The following CRHR2 variants were observed in gnomAD, a reference collection of about 807,000 sequenced individuals.
CRHR2 encodes the protein corticotropin-releasing hormone receptor 2.
A neutral mutation model predicts 57.9 loss-of-function variants in CRHR2; 53 were observed. The ratio of observed to expected loss-of-function variants is 0.92; its 90% CI spans 0.73 to 1.15. The LOEUF (loss-of-function observed/expected upper bound fraction) is 1.15, where lower values mean the gene tolerates loss of function less well. Ranked by LOEUF, CRHR2 falls within the 50% of genes most tolerant of loss-of-function variation. The probability of loss-of-function intolerance (pLI) is 0.00; values close to 1 mark genes in which losing one functional copy is unlikely to be tolerated. For synonymous variants in CRHR2, 213 were observed against 220.9 expected, an observed-to-expected ratio of 0.96 and a Z score of 0.32; for missense variants, 532 against 542.6, an observed-to-expected ratio of 0.98 and a Z score of 0.19.
intron 2 of CRHR2, among the ~76,000 whole-genome samples, chr7:30,668,818 T>A (rs757906875): frequency 3.9e-5 from 6 of 152,172 alleles, no homozygotes; most frequent in Non-Finnish European, 8.8e-5. Context: ...GCCATCCCCC[T>A]GCCAAGTGAG....
intron 11 of CRHR2, among the ~76,000 whole-genome samples, chr7:30,654,401 G>A (rs977419682): frequency 3.3e-5 from 5 of 152,108 alleles, no homozygotes; most frequent in African/African-American, 4.8e-5. Flanking sequence ...TAGACACCTC[G>A]CCAGTGCCCT....
At chr7:30,692,742 A>G (rs1784985452) in intron 1 of CRHR2, among the ~76,000 whole-genome samples, 1 of 152,332 alleles carries the variant, frequency 6.6e-6, no homozygotes, top group East Asian at 1.9e-4. Context: ...AATGCCCTAC[A>G]GAAGACAGCG....
rs1204131740 is a variant in CRHR2 at position 30,655,078 on chromosome 7, A to G, written c.1056T>C (p.Gly352=). 3.7e-6 allele frequency: 6 copies of G among 1,613,144 alleles called. No homozygotes were observed. In the Admixed American group the frequency reaches 1.0e-4, roughly 27 times the overall value. The change falls in exon 11 of 12, where the codon GGT becomes GGC. Residue 352 remains glycine (G), a splice_region_variant and synonymous_variant. Coordinates refer to ENST00000471646, the MANE Select transcript of CRHR2 (RefSeq NM_001883.5). ...YFNSFLQSFQ[G]FFVSVFYCFF... is the part of the protein sequence containing the mutation. The stretch of plus-strand genomic sequence containing the variant: ...AGCAGTAGAAGACAGACACGAAGAA[A>G]CCCTGGAAAGGAGGGAAAGGAGGGA...
At chr7:30,661,122 G>A (rs1267349153) in intron 7 of CRHR2, among the ~76,000 whole-genome samples, 1 of 152,238 alleles carries the variant, frequency 6.6e-6, no homozygotes, top group Non-Finnish European at 1.5e-5. Flanking sequence ...CTGGGATTTT[G>A]CGTCTTTGAG....
Position 30,653,254 on chromosome 7 carries a change from T to C in CRHR2, c.*206A>G. The stretch of plus-strand genomic sequence containing the variant: ...AGGGGGTCCTGTGAATTCCCTCTGC[T>C]TCCTCTTGCGCTGAGCCTGGTGGCC... On this transcript the variant is annotated 3_prime_UTR_variant, in exon 12 of 12. Transcript: ENST00000471646. This position sits in a 1 kb window ranked among gnomAD's most constrained non-coding sequence, Gnocchi z 5.0. 1.6e-6 allele frequency: 1 copy of C among 636,056 alleles called. No homozygotes were observed. Among genetic ancestry groups the C allele is most frequent in the East Asian group, 2.9e-5 (1 of 34,412 alleles). The allele number at this position is 636,056 out of a possible 1,614,324, so 39.4% of individuals were successfully genotyped here.
Position 30,665,211 on chromosome 7 carries a change from T to C in CRHR2, c.426-24A>G. ...TCCTGTGGGAGGTGCAGGTCAGGGG[T>C]CAGCCAGGTTCAGGGGTCAACTGGG... On this transcript the variant is annotated intron_variant, in intron 4 of 11. Coordinates refer to ENST00000471646, the MANE Select transcript of CRHR2 (RefSeq NM_001883.5). This position sits in a 1 kb window ranked among gnomAD's most constrained non-coding sequence, Gnocchi z 4.5. 1 of 1,596,542 alleles carries C rather than the reference T, an allele frequency of 6.3e-7. No homozygotes were observed. The highest frequency in any genetic ancestry group is 1.1e-5 in the South Asian group (1 of 90,634).
chr7:30,696,398 T>C (rs897130769), intron 1 of CRHR2, among the ~76,000 whole-genome samples: 1 of 152,172 alleles, frequency 6.6e-6, no homozygotes, highest in African/African-American at 2.4e-5. Flanking sequence ...CACAAATATA[T>C]ATACCTACTA....
rs752616590 is a variant in CRHR2 at position 30,665,612 on chromosome 7, T to C, written c.343A>G (p.Ile115Val). 10 of 1,560,278 alleles carry C rather than the reference T, an allele frequency of 6.4e-6. No individual in the cohort carries two copies. The East Asian group carries it at 1.9e-4, about 30-fold the overall frequency. ...KQRKYDLHYR[I>V]ALVVNYLGHC... ...CCCAGGTAGTTGACGACAAGGGCGATGCGGTAGTGCAGGTCATACTTCCTC... is the reference window on the plus strand; with the variant it reads ...CCCAGGTAGTTGACGACAAGGGCGACGCGGTAGTGCAGGTCATACTTCCTC... The change falls in exon 4 of 12, where the codon ATC becomes GTC. Residue 115 changes from isoleucine (I) to valine (V), a missense_variant. Ile to Val is a conservative substitution (Grantham distance 29, BLOSUM62 3). Transcript: ENST00000471646. The surrounding 1 kb of genome is among the most constrained non-coding windows in gnomAD (Gnocchi z 4.5).
intron 1 of CRHR2, among the ~76,000 whole-genome samples, chr7:30,696,735 A>G (rs1217373407): frequency 2.0e-5 from 3 of 152,266 alleles, no homozygotes; most frequent in Non-Finnish European, 2.9e-5. Context: ...AAAAAATAAA[A>G]TAAAATAATT....
Position 30,682,214 on chromosome 7 carries a change from G to T in CRHR2, c.67C>A (p.Leu23Ile). The change falls in exon 1 of 12, where the codon CTC (leucine) becomes ATC (isoleucine). Residue 23 changes from leucine (L) to isoleucine (I), a missense_variant. By Grantham distance (5) the Leu-to-Ile change is conservative. Coordinates refer to ENST00000471646, the MANE Select transcript of CRHR2 (RefSeq NM_001883.5). ...NCSLALAEEL[L>I]LDGWGPPLDP... ...AGGGGTGGCCCCCAGCCGTCCAAGA[G>T]CAGCTCTTCAGCCAGCGCCAGGCTG... The T allele has an allele frequency of 6.3e-7, 1 of 1,590,292 alleles. No individual in the cohort carries two copies. Among genetic ancestry groups the T allele is most frequent in the East Asian group, 2.3e-5 (1 of 43,840 alleles).
chr7:30,698,143 A>C (rs1436802684), intron 1 of CRHR2: 1 of 152,272 alleles, frequency 6.6e-6, no homozygotes, highest in East Asian at 1.9e-4. Context: ...ATTGCCATGA[A>C]GGCCCCGTGA....
intron 1 of CRHR2, among the ~76,000 whole-genome samples, chr7:30,696,191 A>C (rs1244189264): frequency 6.6e-6 from 1 of 152,196 alleles, no homozygotes; most frequent in Non-Finnish European, 1.5e-5. Flanking sequence ...AAAAAAATAG[A>C]ATGAATACGA....
At chr7:30,688,941 A>G (rs58682124) in intron 2 of CRHR2, 181,698 of 604,406 alleles carry the variant, frequency 0.3, 34,620 homozygotes, top group African/African-American at 0.77. Context: ...GCTGACTTCC[A>G]TCGTGGGAGC....
upstream of CRHR2, among the ~76,000 whole-genome samples, chr7:30,684,172 T>G (rs887425767): frequency 6.6e-6 from 1 of 152,162 alleles, no homozygotes; most frequent in Non-Finnish European, 1.5e-5. Context: ...TATTATCCAG[T>G]GCCAGGAGCA....
intron 1 of CRHR2, among the ~76,000 whole-genome samples, chr7:30,696,038 T>G (rs1785049806): frequency 6.6e-6 from 1 of 152,206 alleles, no homozygotes; most frequent in Admixed American, 6.5e-5. Flanking sequence ...GACTAAAAAT[T>G]AGAATGTTGA....
chr7:30,665,010 T>C lies in CRHR2; in HGVS notation c.543+60A>G, dbSNP rs1028605197. 2.9e-6 allele frequency: 4 copies of C among 1,375,270 alleles called. No homozygotes were observed. In the East Asian group the frequency reaches 6.9e-5, roughly 24 times the overall value. 85.2% of individuals were successfully genotyped at this position (1,375,270 alleles called of 1,614,324 possible). On this transcript the variant is annotated intron_variant, in intron 5 of 11. Coordinates refer to ENST00000471646, the MANE Select transcript of CRHR2 (RefSeq NM_001883.5). The surrounding 1 kb of genome is among the most constrained non-coding windows in gnomAD (Gnocchi z 4.5). ...TCCAAGCAGAGACCAGACAGACAGATGGGTGCCCCCGGAGCCCAGAGCCCC... is the reference window on the plus strand; with the variant it reads ...TCCAAGCAGAGACCAGACAGACAGACGGGTGCCCCCGGAGCCCAGAGCCCC...
chr7:30,662,433 AG>A (rs1469329991), intron 6 of CRHR2, among the ~76,000 whole-genome samples: 2 of 152,186 alleles, frequency 1.3e-5, no homozygotes, highest in African/African-American at 4.8e-5. Context: ...AGAGAAGTAG[AG>A]CCAGCCAGTT....
rs564945647 is a variant in CRHR2 at position 30,665,539 on chromosome 7, A to C, written c.416T>G (p.Leu139Arg). 1.3e-6 allele frequency: 2 copies of C among 1,558,978 alleles called. No individual in the cohort carries two copies. The highest frequency in any genetic ancestry group is 2.4e-5 in the East Asian group (1 of 41,446). Reference protein sequence around the residue: ...AALVAAFLLFLALRSIRCLRN... With the variant: ...AALVAAFLLFRALRSIRCLRN... ...GGAAGGGCAGACTCACCGCAGGGCCAGGAAAAGCAGGAAGGCGGCCACCAG... is the reference window on the plus strand; with the variant it reads ...GGAAGGGCAGACTCACCGCAGGGCCCGGAAAAGCAGGAAGGCGGCCACCAG... The change falls in exon 4 of 12, where the codon CTG becomes CGG. Residue 139 changes from leucine to arginine, a missense_variant. By Grantham distance (102) the Leu-to-Arg change is moderately radical. Coordinates refer to ENST00000471646, the MANE Select transcript of CRHR2 (RefSeq NM_001883.5). The surrounding 1 kb of genome is among the most constrained non-coding windows in gnomAD (Gnocchi z 4.5).
At chr7:30,663,842 G>A (rs1036863902) in intron 5 of CRHR2, among the ~76,000 whole-genome samples, 9 of 152,198 alleles carry the variant, frequency 5.9e-5, no homozygotes, top group East Asian at 1.9e-4. Context: ...CTCAAGGTCC[G>A]GGGAGCTGTG....
Sources: allele counts gnomAD v4.1 joint callset (sites outside exome capture counted in the v4.1 genomes callset), GRCh38; gene constraint gnomAD v4.1.1; non-coding constraint Gnocchi (gnomAD v3.1); transcripts MANE v1.5; gene names NCBI Gene and HGNC (gene_info 2026-07-23, HGNC 2026-07-21).